OSBPL8: variants seen among roughly 807,000 people sequenced by gnomAD.
The protein encoded by OSBPL8 is oxysterol-binding protein-related protein 8.
OSBPL8 carries 59 observed loss-of-function variants against 125.5 expected under a neutral mutation model. The ratio of observed to expected loss-of-function variants is 0.47; its 90% CI spans 0.38 to 0.58. The LOEUF (loss-of-function observed/expected upper bound fraction) is 0.58, where lower values mean the gene tolerates loss of function less well. Ranked by LOEUF, OSBPL8 falls within the 20% of genes least tolerant of loss-of-function variation. The pLI, the probability that OSBPL8 is intolerant of heterozygous loss-of-function variation, is 0.00. For synonymous variants in OSBPL8, 330 were observed against 338.9 expected (o/e 0.97, Z 0.29); for missense variants, 758 against 1,047.8 (o/e 0.72, Z 3.82).
chr12:76,451,168 C>T (rs11831908), intron 3 of OSBPL8, among the ~76,000 whole-genome samples, 180 bp from the exon 4 acceptor site: 31,005 of 151,930 alleles, frequency 0.2, 3,405 homozygotes, highest in Non-Finnish European at 0.26. Context: ...TGTTACTGAT[C>T]CAAGAAGAAC....
intron 16 of OSBPL8, among the ~76,000 whole-genome samples, chr12:76,376,560 T>C (rs1952826071): frequency 1.3e-5 from 2 of 152,238 alleles, no homozygotes; most frequent in African/African-American, 4.8e-5. Flanking sequence ...TTCCCTATTG[T>C]AAGCTAAGTA....
rs188057887 is a variant in OSBPL8 at position 76,523,297 on chromosome 12, C to T, written c.-67-35679G>A. Reference sequence around the variant, plus strand: ...GGAAAGTTTACTGTTTTGTTCTTTCCACATTTCTAAAGTATTCTTCTTCCC... The same window carrying T: ...GGAAAGTTTACTGTTTTGTTCTTTCTACATTTCTAAAGTATTCTTCTTCCC... On this transcript the variant is annotated intron_variant, in intron 1 of 23. Transcript: ENST00000261183. 2.3e-4 allele frequency among the ~76,000 whole-genome samples: 35 copies of T among 152,106 alleles called. No homozygotes were observed. In the East Asian group the frequency reaches 6.4e-3, roughly 28 times the overall value.
At chr12:76,556,144 C>T (rs1209365702) in intron 1 of OSBPL8, among the ~76,000 whole-genome samples, 7 of 152,266 alleles carry the variant, frequency 4.6e-5, no homozygotes, top group Non-Finnish European at 8.8e-5. Context: ...CTTTTGTTCT[C>T]CAGTCATATA....
chr12:76,377,677 T>C (rs1952881487), intron 16 of OSBPL8, among the ~76,000 whole-genome samples: 1 of 152,178 alleles, frequency 6.6e-6, no homozygotes, highest in Non-Finnish European at 1.5e-5. Context: ...AAAGGTATTT[T>C]TAAGATTTTA....
chr12:76,493,007 T>C lies in OSBPL8; in HGVS notation c.-67-5389A>G, dbSNP rs535871301. Reference sequence around the variant, plus strand: ...TGGGTCAAAATTTAAAATGCACTTCTTCCTCTAAGTTGCAGTCAAAAATAG... The same window carrying C: ...TGGGTCAAAATTTAAAATGCACTTCCTCCTCTAAGTTGCAGTCAAAAATAG... On this transcript the variant is annotated intron_variant, in intron 1 of 23. Coordinates refer to ENST00000261183, the MANE Select transcript of OSBPL8 (RefSeq NM_020841.5). Among the ~76,000 whole-genome samples the C allele has an allele frequency of 1.2e-4, 18 of 152,282 alleles. No individual in the cohort carries two copies. In the East Asian group the frequency reaches 1.3e-3, roughly 11 times the overall value.
intron 15 of OSBPL8, among the ~76,000 whole-genome samples, chr12:76,380,834 A>G (rs1005656792): frequency 6.6e-6 from 1 of 152,184 alleles, no homozygotes; most frequent in Non-Finnish European, 1.5e-5. Flanking sequence ...GATCTTAGGT[A>G]GAAATTATTC....
intron 1 of OSBPL8, among the ~76,000 whole-genome samples, chr12:76,529,334 A>G (rs1229867200): frequency 6.6e-6 from 1 of 152,180 alleles, no homozygotes; most frequent in African/African-American, 2.4e-5. Flanking sequence ...ACTTGTTACT[A>G]TCCCCTTCCA....
chr12:76,537,158 C>CA (rs1950521730), intron 1 of OSBPL8: 1 of 152,198 alleles, frequency 6.6e-6, no homozygotes, highest in Admixed American at 6.6e-5. Context: ...TTACATTTTG[C>CA]AAAGTCTGAT....
intron 2 of OSBPL8, among the ~76,000 whole-genome samples, chr12:76,469,761 A>AT (rs781268126): frequency 6.6e-6 from 1 of 151,988 alleles, no homozygotes; most frequent in Non-Finnish European, 1.5e-5. Context: ...ATATTTATAT[A>AT]TTTTTTCTTT....
At chr12:76,433,153 T>C (rs183379139) in intron 4 of OSBPL8, among the ~76,000 whole-genome samples, 1 of 152,286 alleles carries the variant, frequency 6.6e-6, no homozygotes, top group East Asian at 1.9e-4. Flanking sequence ...AAACACTTTC[T>C]CTAAGATCCA....
chr12:76,427,813 T>C (rs2136546132), intron 4 of OSBPL8, among the ~76,000 whole-genome samples: 1 of 152,232 alleles, frequency 6.6e-6, no homozygotes, highest in East Asian at 1.9e-4. Context: ...GATAAACATA[T>C]ACTTATTTAA....
At position 76,536,816 on chromosome 12, in the gene OSBPL8, C is replaced by CAAA. The variant is rs36035843; in HGVS notation, c.-68+22578_-68+22580dup. Among the ~76,000 whole-genome samples the CAAA allele has an allele frequency of 2.3e-3, 205 of 91,070 alleles. 1 individual carries two copies. The highest frequency in any genetic ancestry group is 7.4e-3 in the African/African-American group (193 of 26,176). The allele number at this position is 91,070 out of a possible 152,430, so 59.7% of individuals were successfully genotyped here. On this transcript the variant is annotated intron_variant, in intron 1 of 23. Transcript: ENST00000261183. ...GCAGCAAATCCATATATAGGAGTAT[C>CAAA]AAAAAAAAAAAAAAAAAAACGAGTA...
At chr12:76,356,946 G>A (rs972589444) in intron 22 of OSBPL8, among the ~76,000 whole-genome samples, 1 of 152,014 alleles carries the variant, frequency 6.6e-6, no homozygotes, top group Non-Finnish European at 1.5e-5. Context: ...GTTGAATTTT[G>A]GATGGCACCA....
chr12:76,492,640 G>A (rs1231983491), intron 1 of OSBPL8, among the ~76,000 whole-genome samples: 2 of 152,178 alleles, frequency 1.3e-5, no homozygotes, highest in Non-Finnish European at 2.9e-5. Context: ...TGTGAACTGT[G>A]CACACGAAGA....
intron 1 of OSBPL8, among the ~76,000 whole-genome samples, chr12:76,529,065 TTG>T (rs1950263697): frequency 6.6e-6 from 1 of 150,658 alleles, no homozygotes; most frequent in African/African-American, 2.4e-5. Flanking sequence ...TAGTTTTGTT[TTG>T]TTTTTTTTTA....
intron 2 of OSBPL8, among the ~76,000 whole-genome samples, chr12:76,467,730 A>G (rs1257541382): frequency 6.6e-6 from 1 of 151,744 alleles, no homozygotes; most frequent in African/African-American, 2.4e-5. Flanking sequence ...CAACTTCTGC[A>G]TCTCCCTTTT....
chr12:76,443,251 G>A (rs547886115), intron 4 of OSBPL8, among the ~76,000 whole-genome samples: 2 of 152,214 alleles, frequency 1.3e-5, no homozygotes, highest in Admixed American at 6.5e-5. Context: ...CACTATAATT[G>A]AAAGATGGTT....
chr12:76,546,731 A>G (rs530825023), intron 1 of OSBPL8, among the ~76,000 whole-genome samples: 10 of 152,306 alleles, frequency 6.6e-5, no homozygotes, highest in Admixed American at 5.2e-4. Flanking sequence ...AAAATAAAGC[A>G]TGAGGTATAT....
intron 2 of OSBPL8, among the ~76,000 whole-genome samples, chr12:76,482,577 G>A (rs1362678245): frequency 6.6e-6 from 1 of 151,706 alleles, no homozygotes; most frequent in Non-Finnish European, 1.5e-5. Flanking sequence ...CGTGCCATTG[G>A]ACTCCAGCCT....
Sources: allele counts gnomAD v4.1 joint callset (sites outside exome capture counted in the v4.1 genomes callset), GRCh38; gene constraint gnomAD v4.1.1; transcripts MANE v1.5; gene names NCBI Gene and HGNC (gene_info 2026-07-23, HGNC 2026-07-21).